The following CHN2 variants were observed in gnomAD, a reference collection of about 807,000 sequenced individuals.
CHN2 encodes chimerin 2.
In CHN2, 35 loss-of-function variants were observed where a neutral mutation model predicts 56.3. That is an observed-to-expected ratio of 0.62 (90% CI 0.47 to 0.82). CHN2 has a LOEUF of 0.82. Among genes scored for constraint, CHN2 ranks in the 40% least tolerant of loss-of-function variants. The pLI is 0.00. For missense variants in CHN2, 491 were observed against 580.5 expected (o/e 0.85, Z 1.58); for synonymous variants, 210 against 212.8 (o/e 0.99, Z 0.12).
chr7:29,507,474 G>A, intron 11 of CHN2, 109 bp downstream of exon 11: 1 of 819,258 alleles, frequency 1.2e-6, no homozygotes, highest in Non-Finnish European at 1.9e-6. Context: ...ATTTGTGCCT[G>A]TCTTGTCAAG....
At chr7:29,442,031 A>G (rs1364132971) in intron 6 of CHN2, among the ~76,000 whole-genome samples, 1 of 152,244 alleles carries the variant, frequency 6.6e-6, no homozygotes, top group African/African-American at 2.4e-5. Context: ...AACCTGCCAA[A>G]TGTCCATCAA....
At chr7:29,278,346 A>G (rs576007506) in intron 1 of CHN2, among the ~76,000 whole-genome samples, 1 of 152,076 alleles carries the variant, frequency 6.6e-6, no homozygotes, top group African/African-American at 2.4e-5. Flanking sequence ...TGCAGACCAT[A>G]TGGTCTCTGT....
intron 9 of CHN2, among the ~76,000 whole-genome samples, chr7:29,500,306 A>G (rs1057359351): frequency 6.6e-6 from 1 of 152,166 alleles, no homozygotes; most frequent in Admixed American, 6.5e-5. Flanking sequence ...TGAGGTAATA[A>G]AGGTCACCAT....
chr7:29,419,958 G>T (rs1245042926), intron 6 of CHN2, among the ~76,000 whole-genome samples: 1 of 151,896 alleles, frequency 6.6e-6, no homozygotes, highest in Non-Finnish European at 1.5e-5. Context: ...TACTCGGGAG[G>T]CCGAGGCAGA....
At chr7:29,470,186 A>G (rs1785905579) in intron 6 of CHN2, among the ~76,000 whole-genome samples, 1 of 152,248 alleles carries the variant, frequency 6.6e-6, no homozygotes, top group African/African-American at 2.4e-5. Context: ...GGAAGGGACA[A>G]CACAGTCCTA....
chr7:29,457,628 A>G (rs1784862325), intron 6 of CHN2, among the ~76,000 whole-genome samples: 1 of 152,242 alleles, frequency 6.6e-6, no homozygotes, highest in African/African-American at 2.4e-5. Flanking sequence ...AGGTTTCAAC[A>G]GCAAGTCTCT....
chr7:29,292,133 C>T (rs925092637), intron 1 of CHN2, among the ~76,000 whole-genome samples: 3 of 152,124 alleles, frequency 2.0e-5, no homozygotes, highest in African/African-American at 7.2e-5. Context: ...TATCTACATA[C>T]ATTTAGTTAT....
At chr7:29,178,998 C>G (rs1300659064) in intron 2 of CHN2, among the ~76,000 whole-genome samples, 1 of 152,158 alleles carries the variant, frequency 6.6e-6, no homozygotes, top group Non-Finnish European at 1.5e-5. Flanking sequence ...TTTGCACCTC[C>G]TCAGTTATGG....
intron 6 of CHN2, among the ~76,000 whole-genome samples, chr7:29,416,045 G>T (rs1408009964): frequency 6.6e-6 from 1 of 152,186 alleles, no homozygotes; most frequent in African/African-American, 2.4e-5. Flanking sequence ...TTGGATAAAT[G>T]CGGCCCCACA....
chr7:29,410,195 ATGT>A (rs1241328371), intron 6 of CHN2, among the ~76,000 whole-genome samples: 2 of 152,206 alleles, frequency 1.3e-5, no homozygotes, highest in African/African-American at 4.8e-5. Context: ...AATTTTTATA[ATGT>A]TTAAAACAGG....
At chr7:29,437,530 G>A (rs1196699984) in intron 6 of CHN2, among the ~76,000 whole-genome samples, 3 of 86,040 alleles carry the variant, frequency 3.5e-5, no homozygotes, top group African/African-American at 7.0e-5. Context: ...CCTGGGAGGC[G>A]GAGCTTGCAG....
intron 1 of CHN2, among the ~76,000 whole-genome samples, chr7:29,311,823 G>T (rs1794625772): frequency 1.3e-5 from 2 of 152,214 alleles, no homozygotes; most frequent in Admixed American, 1.3e-4. Flanking sequence ...TCTGCCATGT[G>T]TCAGGCATTG....
chr7:29,426,407 CT>C (rs1264864589), intron 6 of CHN2, among the ~76,000 whole-genome samples: 4 of 152,044 alleles, frequency 2.6e-5, no homozygotes, highest in Non-Finnish European at 5.9e-5. Context: ...ATTTGAGTTT[CT>C]TTTACGTATT....
intron 6 of CHN2, among the ~76,000 whole-genome samples, chr7:29,468,296 G>A (rs567477545): frequency 5.3e-5 from 8 of 152,042 alleles, no homozygotes; most frequent in African/African-American, 1.7e-4. Context: ...CCATAAAATG[G>A]CTTGAGAGAG....
chr7:29,415,543 C>T (rs183768263), intron 6 of CHN2, among the ~76,000 whole-genome samples: 60 of 152,294 alleles, frequency 3.9e-4, no homozygotes, highest in African/African-American at 1.3e-3. Context: ...AGAGAAGGCC[C>T]TTCTAAGGAA....
chr7:29,431,017 G>T (rs1015167665), intron 6 of CHN2, among the ~76,000 whole-genome samples: 1 of 152,106 alleles, frequency 6.6e-6, no homozygotes, highest in Non-Finnish European at 1.5e-5. Flanking sequence ...TCAGGGTCCT[G>T]CTGGCGAGTA....
intron 2 of CHN2, among the ~76,000 whole-genome samples, chr7:29,363,454 T>C (rs1022454683): frequency 2.0e-5 from 3 of 152,134 alleles, no homozygotes; most frequent in Non-Finnish European, 4.4e-5. Flanking sequence ...CACTGCACTC[T>C]AGCCTGGGCA....
At chr7:29,411,517 C>A (rs1803214526) in intron 6 of CHN2, among the ~76,000 whole-genome samples, 1 of 152,102 alleles carries the variant, frequency 6.6e-6, no homozygotes, top group African/African-American at 2.4e-5. Context: ...GCCCACTAAT[C>A]CCAGAGGTGG....
Position 29,509,364 on chromosome 7 carries a change from C to T in CHN2, c.1193C>T (p.Ala398Val). Residue 398 changes from alanine to valine, a missense_variant, in exon 12 of 13, where the codon GCC (alanine) becomes GTC (valine). Ala to Val is a moderately conservative substitution (Grantham distance 64). Coordinates refer to ENST00000222792, the MANE Select transcript of CHN2 (RefSeq NM_004067.4). ...GAAGTGCTGATGCTGCTGCCTCCTGCCCACTATGAAACCCTCCGGTACCTA... is the reference window on the plus strand; with the variant it reads ...GAAGTGCTGATGCTGCTGCCTCCTGTCCACTATGAAACCCTCCGGTACCTA... ...VHEVLMLLPP[A>V]HYETLRYLMI... is the part of the protein sequence containing the mutation. The T allele has an allele frequency of 6.2e-7, 1 of 1,613,992 alleles. No individual in the cohort carries two copies. The highest frequency in any genetic ancestry group is 8.5e-7 in the Non-Finnish European group (1 of 1,179,908).
Sources: gnomAD v4.1 joint callset for allele counts (sites outside exome capture counted in the v4.1 genomes callset) on GRCh38, gnomAD v4.1.1 for gene constraint, MANE v1.5 for transcripts, NCBI Gene and HGNC (gene_info 2026-07-23, HGNC 2026-07-21) for gene names.